Variants in ASB14 observed in about 807,000 individuals in gnomAD.
The protein encoded by ASB14 is ankyrin repeat and SOCS box containing 14.
A neutral mutation model predicts 55.6 loss-of-function variants in ASB14; 63 were observed. The ratio of observed to expected loss-of-function variants is 1.13; its 90% CI spans 0.92 to 1.40. ASB14 has a LOEUF of 1.40. Among genes scored for constraint, ASB14 ranks in the 40% most tolerant of loss-of-function variants. The pLI is 0.00. For synonymous variants in ASB14, 256 were observed against 259.9 expected, an observed-to-expected ratio of 0.98 and a Z score of 0.15; for missense variants, 724 against 710.4, an observed-to-expected ratio of 1.02 and a Z score of -0.22.
chr3:57,288,111 A>T, intron 4 of ASB14, 44 bp downstream of exon 4: 1 of 1,535,086 alleles, frequency 6.5e-7, no homozygotes, highest in Non-Finnish European at 8.7e-7. Context: ...ATGAATGTTA[A>T]ATTTATCTCT....
At chr3:57,291,349 G>A (rs576811807) in intron 2 of ASB14, among the ~76,000 whole-genome samples, 20 of 152,336 alleles carry the variant, frequency 1.3e-4, no homozygotes, top group African/African-American at 2.9e-4. Flanking sequence ...ATTGGCCAGC[G>A]AGCGTGTGAG....
At chr3:57,292,230 G>T in intron 1 of ASB14, 126 bp from the exon 2 acceptor site, 1 of 598,564 alleles carries the variant, frequency 1.7e-6, no homozygotes. Flanking sequence ...AAAGTTTTGT[G>T]GACTGCCACA....
intron 6 of ASB14, among the ~76,000 whole-genome samples, chr3:57,281,255 ATGTT>A (rs1478718009): frequency 1.3e-5 from 2 of 151,478 alleles, no homozygotes; most frequent in Non-Finnish European, 2.9e-5. Flanking sequence ...TACACCCTGT[ATGTT>A]AAGTGTTATG....
At chr3:57,276,478 A>G (rs2060987616) in intron 10 of ASB14, 50 bp downstream of exon 10, 1 of 1,377,414 alleles carries the variant, frequency 7.3e-7, no homozygotes, top group Non-Finnish European at 9.9e-7. Context: ...AGCAAAAAAT[A>G]TGAATCATAC....
At chr3:57,280,070 C>T (rs940168694) in intron 7 of ASB14, among the ~76,000 whole-genome samples, 10 of 148,158 alleles carry the variant, frequency 6.7e-5, no homozygotes, top group African/African-American at 2.5e-4. Context: ...CCCACTCTTT[C>T]ACTGGATACC....
chr3:57,276,721 AG>A lies in ASB14; in HGVS notation c.1592del (p.Pro531LeufsTer4). 1 of 1,606,756 alleles carries A rather than the reference AG, an allele frequency of 6.2e-7. No homozygotes were observed. The highest frequency in any genetic ancestry group is 8.5e-7 in the Non-Finnish European group (1 of 1,177,624). On this transcript the variant is annotated frameshift_variant, in exon 10 of 11. Transcript: ENST00000487349. LOFTEE classifies it high-confidence loss of function. ...WSEIHFILTN[P>X]RSLKHLCRLK... is the part of the protein sequence containing the mutation. ...GGCGGCACAAATGTTTTAGGGAGCG[AG>A]GGTTTGCTAAAAAGAAAAGGCACAT...
At position 57,287,912 on chromosome 3, in the gene ASB14, G is replaced by A. The variant is rs200431360; in HGVS notation, c.458C>T (p.Pro153Leu). The change falls in exon 5 of 11, where the codon CCT becomes CTT. Residue 153 changes from proline to leucine, a missense_variant. By Grantham distance (98) the Pro-to-Leu change is moderately conservative. Transcript: ENST00000487349. ...ATGTATTCATTTACCTGCAAGAAGA[G>A]GAGAATTGCCTTCGAAATTCTTAGC... ...PNAKNFEGNS[P>L]LLAAVLRDCY... is the part of the protein sequence containing the mutation. 24 of 1,537,032 alleles carry A rather than the reference G, an allele frequency of 1.6e-5. No individual in the cohort carries two copies. The highest frequency in any genetic ancestry group is 3.5e-6 in the Non-Finnish European group (4 of 1,146,844).
intron 5 of ASB14, 111 bp downstream of exon 5, chr3:57,287,790 G>A: frequency 1.7e-6 from 2 of 1,211,346 alleles, no homozygotes; most frequent in Non-Finnish European, 2.3e-6. Context: ...CTGGTCAGTT[G>A]GGAACAGAGT....
Position 57,283,304 on chromosome 3 carries a change from A to T in ASB14, c.605T>A (p.Met202Lys). 1 of 1,551,898 alleles carries T rather than the reference A, an allele frequency of 6.4e-7. No individual in the cohort carries two copies. The highest frequency in any genetic ancestry group is 1.4e-5 in the African/African-American group (1 of 73,180). The stretch of plus-strand genomic sequence containing the variant: ...GTCAGGGTGTGCCCCAGAAACCAGC[A>T]TAAGCTTCACCATGTCCTCTCTGCC... Reference protein sequence around the residue: ...KLGREDMVKLMLVSGAHPDPQ... With the variant: ...KLGREDMVKLKLVSGAHPDPQ... Residue 202 changes from methionine (M) to lysine (K), a missense_variant, in exon 6 of 11, where the codon ATG becomes AAG. Met to Lys is a moderately conservative substitution (Grantham distance 95, BLOSUM62 -1). Coordinates refer to ENST00000487349, the MANE Select transcript of ASB14 (RefSeq NM_001142733.3).
At chr3:57,275,859 T>C (rs772633903) in intron 10 of ASB14, among the ~76,000 whole-genome samples, 2 of 152,164 alleles carry the variant, frequency 1.3e-5, no homozygotes, top group Non-Finnish European at 2.9e-5. Flanking sequence ...TATTTAAACA[T>C]AGAAAAGGTA....
chr3:57,270,203 TAGAAC>T (rs2060926845), intron 10 of ASB14: 1 of 152,710 alleles, frequency 6.5e-6, no homozygotes, highest in Non-Finnish European at 1.5e-5. Flanking sequence ...ATAAAATAAT[TAGAAC>T]AGAGATTTTA....
intron 10 of ASB14, among the ~76,000 whole-genome samples, chr3:57,275,170 G>A (rs2060976253): frequency 6.6e-6 from 1 of 152,172 alleles, no homozygotes; most frequent in Non-Finnish European, 1.5e-5. Flanking sequence ...TTAAAAGGAG[G>A]CTGGGCACGG....
At chr3:57,288,559 G>A (rs941005823) in intron 3 of ASB14, among the ~76,000 whole-genome samples, 2 of 151,916 alleles carry the variant, frequency 1.3e-5, no homozygotes, top group African/African-American at 4.8e-5. Context: ...TTGAGCTGAA[G>A]TATTTTCTCC....
intron 10 of ASB14, among the ~76,000 whole-genome samples, chr3:57,273,830 G>A (rs1172309691): frequency 6.6e-6 from 1 of 152,072 alleles, no homozygotes; most frequent in Admixed American, 6.6e-5. Flanking sequence ...CATCCCATGT[G>A]CTCTTTATAG....
Position 57,269,443 on chromosome 3 carries a change from T to C in ASB14, c.*198A>G. The C allele has an allele frequency of 8.7e-7, 1 of 1,151,022 alleles. No individual in the cohort carries two copies. The highest frequency in any genetic ancestry group is 1.2e-6 in the Non-Finnish European group (1 of 828,302). The allele number at this position is 1,151,022 out of a possible 1,614,324, so 71.3% of individuals were successfully genotyped here. On this transcript the variant is annotated 3_prime_UTR_variant, in exon 11 of 11. Coordinates refer to ENST00000487349, the MANE Select transcript of ASB14 (RefSeq NM_001142733.3). The stretch of plus-strand genomic sequence containing the variant: ...TGTCAGAAGTATGCATACATATTTA[T>C]GACAGAAGAAGTGGCTCTCAAGAAT...
chr3:57,274,049 A>AAAAT (rs1438308732), intron 10 of ASB14, among the ~76,000 whole-genome samples: 1 of 152,198 alleles, frequency 6.6e-6, no homozygotes, highest in Non-Finnish European at 1.5e-5. Context: ...TTTGATTTAA[A>AAAAT]AAATAACTAT....
Position 57,269,473 on chromosome 3 carries a change from C to T in ASB14, c.*168G>A. 6.4e-7 allele frequency: 1 copy of T among 1,561,486 alleles called. No homozygotes were observed. The highest frequency in any genetic ancestry group is 8.7e-7 in the Non-Finnish European group (1 of 1,143,120). ...GAAGAAGTGGCTCTCAAGAATGTATCTTAACTGCATAATTTGCCATTTGAC... is the reference window on the plus strand; with the variant it reads ...GAAGAAGTGGCTCTCAAGAATGTATTTTAACTGCATAATTTGCCATTTGAC... On this transcript the variant is annotated 3_prime_UTR_variant, in exon 11 of 11. Coordinates refer to ENST00000487349, the MANE Select transcript of ASB14 (RefSeq NM_001142733.3).
intron 2 of ASB14, among the ~76,000 whole-genome samples, chr3:57,290,760 G>GT (rs1248014389): frequency 6.6e-6 from 1 of 152,076 alleles, no homozygotes; most frequent in African/African-American, 2.4e-5. Context: ...ACCTAAAATT[G>GT]TAAGTTCAAA....
At chr3:57,291,814 C>T (rs2061133533) in intron 2 of ASB14, 98 bp downstream of exon 2, 11 of 1,043,256 alleles carry the variant, frequency 1.1e-5, no homozygotes, top group Non-Finnish European at 1.1e-5. Flanking sequence ...GGATTCTGAC[C>T]CTCCTGTTTT....
Sources: allele counts gnomAD v4.1 joint callset (sites outside exome capture counted in the v4.1 genomes callset), GRCh38; gene constraint gnomAD v4.1.1; transcripts MANE v1.5; gene names NCBI Gene and HGNC (gene_info 2026-07-23, HGNC 2026-07-21).